AXIN2: variants seen among roughly 807,000 people sequenced by gnomAD.
AXIN2 encodes the protein axin-2.
In AXIN2, 21 loss-of-function variants were observed where a neutral mutation model predicts 74.7. The ratio of observed to expected loss-of-function variants is 0.28; its 90% CI spans 0.20 to 0.40. AXIN2 has a LOEUF of 0.40. AXIN2 is among the 10% of genes least tolerant of loss of function. AXIN2 has a pLI of 1.00. For missense variants in AXIN2, 1,144 were observed against 1,111.1 expected, an observed-to-expected ratio of 1.03 and a Z score of -0.42; for synonymous variants, 532 against 454.9, an observed-to-expected ratio of 1.17 and a Z score of -2.16.
At chr17:65,559,225 C>G (rs1231087371) in intron 1 of AXIN2, among the ~76,000 whole-genome samples, 2 of 152,126 alleles carry the variant, frequency 1.3e-5, no homozygotes, top group African/African-American at 2.4e-5. Flanking sequence ...GCACAGATAA[C>G]TCGAGCTCCA....
chr17:65,536,580 A>G (rs779482903), intron 7 of AXIN2, 27 bp from the exon 8 acceptor site: 4 of 1,611,504 alleles, frequency 2.5e-6, no homozygotes, highest in Admixed American at 1.7e-5. Flanking sequence ...CAGAGAGAAA[A>G]CAGAAGGAAA....
chr17:65,539,508 CTT>C (rs2144488850), intron 4 of AXIN2, among the ~76,000 whole-genome samples: 1 of 152,302 alleles, frequency 6.6e-6, no homozygotes, highest in Non-Finnish European at 1.5e-5. Flanking sequence ...TAGAACTTTT[CTT>C]TGTTAACTCA....
chr17:65,546,655 A>G (rs2044123965), intron 3 of AXIN2, among the ~76,000 whole-genome samples: 1 of 152,242 alleles, frequency 6.6e-6, no homozygotes, highest in Non-Finnish European at 1.5e-5. Context: ...CCTAATTAGT[A>G]TAAATGCCCA....
chr17:65,546,611 G>C (rs1342053431), intron 3 of AXIN2, among the ~76,000 whole-genome samples: 1 of 152,184 alleles, frequency 6.6e-6, no homozygotes, highest in East Asian at 1.9e-4. Flanking sequence ...CAATGCCCAA[G>C]AGACAGTGAC....
intron 6 of AXIN2, 116 bp from the exon 7 acceptor site, chr17:65,537,179 G>A: frequency 2.0e-6 from 3 of 1,531,962 alleles, no homozygotes; most frequent in Non-Finnish European, 2.7e-6. Context: ...CCATGCACCT[G>A]CTCCCCGCAC....
rs768632979 is a variant in AXIN2, at chr17:65,536,820, C to A, written c.1907+49G>T. On this transcript the variant is annotated intron_variant, in intron 7 of 10. Transcript: ENST00000307078. ...CAGCCATTCCCACAATACCTCCGTA[C>A]TGAGTGCCCATGACCCTCGCGGCCG... 3 of 1,609,718 alleles carry A rather than the reference C, an allele frequency of 1.9e-6. No homozygotes were observed. The Admixed American group carries it at 5.0e-5, about 27-fold the overall frequency.
intron 2 of AXIN2, among the ~76,000 whole-genome samples, chr17:65,553,328 G>C (rs1475398394): frequency 1.3e-5 from 2 of 152,032 alleles, no homozygotes; most frequent in African/African-American, 4.8e-5. Flanking sequence ...TAACAGGCAT[G>C]GTGCAACACC....
At chr17:65,530,177 T>G in intron 10 of AXIN2, 75 bp from the exon 11 acceptor site, 2 of 1,591,794 alleles carry the variant, frequency 1.3e-6, no homozygotes, top group Non-Finnish European at 1.7e-6. Context: ...CATACCAACA[T>G]GGAGGACTGA....
At chr17:65,540,817 A>G (rs2044030084) in intron 4 of AXIN2, among the ~76,000 whole-genome samples, 1 of 152,168 alleles carries the variant, frequency 6.6e-6, no homozygotes, top group Admixed American at 6.5e-5. Flanking sequence ...GACCTTCACC[A>G]GAAGCAGATG....
At chr17:65,535,832 T>C in intron 8 of AXIN2, 111 bp from the exon 9 acceptor site, 1 of 990,276 alleles carries the variant, frequency 1.0e-6, no homozygotes, top group Admixed American at 2.0e-5. Context: ...CGAACCCGAC[T>C]TCCATCCTTA....
intron 2 of AXIN2, among the ~76,000 whole-genome samples, chr17:65,554,467 G>A (rs879501446): frequency 5.9e-5 from 9 of 152,342 alleles, no homozygotes; most frequent in Non-Finnish European, 8.8e-5. Context: ...ACTGGGCAAC[G>A]GGACCTTTTG....
At chr17:65,544,036 G>A (rs1385729853) in intron 3 of AXIN2, among the ~76,000 whole-genome samples, 2 of 152,098 alleles carry the variant, frequency 1.3e-5, no homozygotes, top group African/African-American at 4.8e-5. Context: ...CTTAGACAGT[G>A]GATGACTCTG....
chr17:65,537,815 G>C lies in AXIN2; in HGVS notation c.1221C>G (p.Ser407=), dbSNP rs1000980201. 1 of 1,574,390 alleles carries C rather than the reference G, an allele frequency of 6.4e-7. No homozygotes were observed. Among genetic ancestry groups the C allele is most frequent in the East Asian group, 2.3e-5 (1 of 43,808 alleles). Reference sequence around the variant, plus strand: ...CCTCCCGCGAATTGAGTGTGAGCTCGGAGCCCTCTCTCTCTTCATCCTGAA... The same window carrying C: ...CCTCCCGCGAATTGAGTGTGAGCTCCGAGCCCTCTCTCTCTTCATCCTGAA... ...QIREDEEREG[S]ELTLNSREGA... is the part of the protein sequence containing the mutation. Residue 407 remains serine, a synonymous_variant, in exon 6 of 11, where the codon TCC becomes TCG. Transcript: ENST00000307078.
chr17:65,542,823 T>C (rs765534391), intron 3 of AXIN2, among the ~76,000 whole-genome samples: 1 of 152,182 alleles, frequency 6.6e-6, no homozygotes, highest in Non-Finnish European at 1.5e-5. Context: ...GCTGTAAATA[T>C]TGAAATTGGG....
intron 4 of AXIN2, among the ~76,000 whole-genome samples, chr17:65,539,964 A>G (rs1353581937): frequency 1.3e-5 from 2 of 152,228 alleles, no homozygotes; most frequent in Admixed American, 6.5e-5. Flanking sequence ...AGGTCCCAGA[A>G]GAGCCCTTCA....
rs1060504486 is a variant in AXIN2, at chr17:65,537,392, C to T, written c.1644G>A (p.Glu548=). 5.6e-6 allele frequency: 9 copies of T among 1,613,686 alleles called. No homozygotes were observed. Among genetic ancestry groups the T allele is most frequent in the Non-Finnish European group, 7.6e-6 (9 of 1,179,942 alleles). The part of the protein sequence containing the change: ...RVHCFCPGGS[E]YYCYSKCKSH... ...TTTTGCATTTCGAGTAGCAGTAATA[C>T]TCGCTGCCCCCAGGGCAGAAGCAGT... The change falls in exon 6 of 11, where the codon GAG becomes GAA. Residue 548 remains glutamate, a synonymous_variant. Transcript: ENST00000307078.
chr17:65,531,814 G>A (rs1048244321), intron 10 of AXIN2, among the ~76,000 whole-genome samples: 4 of 152,142 alleles, frequency 2.6e-5, no homozygotes, highest in Admixed American at 6.5e-5. Flanking sequence ...AGCGTCTGGC[G>A]CGTCTGAAGG....
At chr17:65,542,102 T>C (rs2044052903) in intron 3 of AXIN2, among the ~76,000 whole-genome samples, 1 of 152,208 alleles carries the variant, frequency 6.6e-6, no homozygotes, top group Non-Finnish European at 1.5e-5. Context: ...AATGTATTTC[T>C]TTTTATAAAC....
chr17:65,546,763 C>T (rs2044125305), intron 3 of AXIN2, among the ~76,000 whole-genome samples: 1 of 152,202 alleles, frequency 6.6e-6, no homozygotes, highest in South Asian at 2.1e-4. Context: ...AGAGCCAACA[C>T]CATGAGCCCA....
Sources: gnomAD v4.1 joint callset for allele counts (sites outside exome capture counted in the v4.1 genomes callset) on GRCh38, gnomAD v4.1.1 for gene constraint, MANE v1.5 for transcripts, NCBI Gene and HGNC (gene_info 2026-07-23, HGNC 2026-07-21) for gene names.